The following CSMD3 variants were observed in gnomAD, a reference collection of about 807,000 sequenced individuals.
CSMD3 encodes the protein CUB and Sushi multiple domains 3, also known as CUB and sushi domain-containing protein 3.
A neutral mutation model predicts 435.2 loss-of-function variants in CSMD3; 177 were observed. The ratio of observed to expected loss-of-function variants is 0.41; its 90% CI spans 0.36 to 0.46. The LOEUF (loss-of-function observed/expected upper bound fraction) is 0.46, where lower values mean the gene tolerates loss of function less well. CSMD3 is among the 20% of genes least tolerant of loss of function. The probability of loss-of-function intolerance (pLI) is 0.34; values close to 1 mark genes in which losing one functional copy is unlikely to be tolerated. For missense variants in CSMD3, 4,265 were observed against 4,504.6 expected (o/e 0.95, Z 1.52); for synonymous variants, 1,656 against 1,520.5 (o/e 1.09, Z -2.07).
At chr8:112,733,809 C>T (rs534777063) in intron 13 of CSMD3, among the ~76,000 whole-genome samples, 52 of 152,030 alleles carry the variant, frequency 3.4e-4, no homozygotes, top group African/African-American at 1.2e-3. Context: ...AAAAATAACA[C>T]TTTTCTTTGA....
At chr8:112,453,388 T>C (rs901774274) in intron 32 of CSMD3, among the ~76,000 whole-genome samples, 3 of 152,162 alleles carry the variant, frequency 2.0e-5, no homozygotes, top group African/African-American at 7.2e-5. Context: ...AAAATGTACC[T>C]AGACCTGATA....
intron 11 of CSMD3, among the ~76,000 whole-genome samples, chr8:112,841,172 G>T (rs2080169213): frequency 6.6e-6 from 1 of 151,562 alleles, no homozygotes; most frequent in African/African-American, 2.4e-5. Context: ...TTCATCAGTG[G>T]TTTCTCATTC....
chr8:112,822,797 T>C (rs2079563176), intron 12 of CSMD3, among the ~76,000 whole-genome samples: 1 of 152,152 alleles, frequency 6.6e-6, no homozygotes. Flanking sequence ...TCTTATTATT[T>C]TGAGATATGT....
At chr8:112,457,460 T>C (rs547432409) in intron 32 of CSMD3, among the ~76,000 whole-genome samples, 3 of 152,218 alleles carry the variant, frequency 2.0e-5, no homozygotes, top group South Asian at 4.1e-4. Context: ...TGACCCATAT[T>C]TCCTGCAGAA....
At chr8:112,331,016 T>G (rs1348906167) in intron 45 of CSMD3, among the ~76,000 whole-genome samples, 1 of 152,008 alleles carries the variant, frequency 6.6e-6, no homozygotes, top group East Asian at 1.9e-4. Context: ...GTTTGTTCAT[T>G]ATTAAAATGA....
chr8:112,517,967 T>C (rs1263294411), intron 27 of CSMD3, among the ~76,000 whole-genome samples: 3 of 152,158 alleles, frequency 2.0e-5, no homozygotes, highest in African/African-American at 7.2e-5. Flanking sequence ...TGCACACAGA[T>C]ATTCATAACA....
chr8:113,376,241 C>A (rs1448755652), intron 1 of CSMD3, among the ~76,000 whole-genome samples: 1 of 151,976 alleles, frequency 6.6e-6, no homozygotes, highest in East Asian at 1.9e-4. Context: ...TCCAAATAGC[C>A]TTTGAGGCAT....
chr8:112,255,522 C>T (rs961910890), intron 61 of CSMD3, 95 bp from the exon 62 acceptor site: 2 of 1,069,100 alleles, frequency 1.9e-6, no homozygotes, highest in South Asian at 2.6e-5. Flanking sequence ...GAATATTGTA[C>T]TAAAGAGATA....
intron 3 of CSMD3, among the ~76,000 whole-genome samples, chr8:113,259,400 A>G (rs2093408761): frequency 6.6e-6 from 1 of 152,198 alleles, no homozygotes; most frequent in South Asian, 2.1e-4. Flanking sequence ...GAGTCCATAC[A>G]AGATCACCAG....
At chr8:113,209,366 G>C (rs78333434) in intron 3 of CSMD3, among the ~76,000 whole-genome samples, 92 of 152,150 alleles carry the variant, frequency 6.0e-4, no homozygotes, top group African/African-American at 2.2e-3. Flanking sequence ...AAAGGTATGA[G>C]TCATTCCATT....
chr8:113,057,370 G>A (rs779096719), intron 5 of CSMD3, among the ~76,000 whole-genome samples: 2 of 152,128 alleles, frequency 1.3e-5, no homozygotes, highest in Non-Finnish European at 2.9e-5. Context: ...TTCTGAAAAT[G>A]TAATTGAAAA....
intron 11 of CSMD3, among the ~76,000 whole-genome samples, chr8:112,853,984 A>G (rs2080572251): frequency 6.6e-6 from 1 of 152,132 alleles, no homozygotes; most frequent in Non-Finnish European, 1.5e-5. Context: ...TTGAAATTTG[A>G]GCACCAGGTC....
At chr8:113,208,722 T>C (rs926274465) in intron 3 of CSMD3, among the ~76,000 whole-genome samples, 3 of 152,084 alleles carry the variant, frequency 2.0e-5, no homozygotes, top group Non-Finnish European at 2.9e-5. Context: ...TTAATCTTTT[T>C]TAATGCAGCA....
intron 3 of CSMD3, among the ~76,000 whole-genome samples, chr8:113,262,300 C>A (rs1395242318): frequency 6.6e-6 from 1 of 151,942 alleles, no homozygotes; most frequent in African/African-American, 2.4e-5. Flanking sequence ...TTAGGTAAAG[C>A]AAAGTACATT....
chr8:113,006,680 GT>G (rs2086069385), intron 6 of CSMD3, among the ~76,000 whole-genome samples: 2 of 151,902 alleles, frequency 1.3e-5, no homozygotes, highest in Non-Finnish European at 2.9e-5. Flanking sequence ...TGTGTAACCT[GT>G]TTTATCAAGG....
intron 35 of CSMD3, among the ~76,000 whole-genome samples, chr8:112,400,671 G>C (rs1053219062): frequency 2.0e-5 from 3 of 152,100 alleles, no homozygotes; most frequent in African/African-American, 7.2e-5. Context: ...ATCAGTAATA[G>C]ACTAGGTAAC....
intron 10 of CSMD3, among the ~76,000 whole-genome samples, chr8:112,893,330 T>C (rs573741773): frequency 6.6e-6 from 1 of 151,600 alleles, no homozygotes; most frequent in East Asian, 2.0e-4. Context: ...GATTACCTGG[T>C]AACATTGGAA....
intron 53 of CSMD3, among the ~76,000 whole-genome samples, chr8:112,300,160 AT>A (rs1396174891): frequency 5.2e-4 from 76 of 147,372 alleles, no homozygotes; most frequent in African/African-American, 1.8e-3. Context: ...TAAATATTGT[AT>A]TTAAATTATA....
At chr8:112,274,587 C>T (rs544932835) in intron 59 of CSMD3, among the ~76,000 whole-genome samples, 35 of 152,090 alleles carry the variant, frequency 2.3e-4, no homozygotes, top group Non-Finnish European at 4.6e-4. Context: ...AAAAAACTAC[C>T]CCAAAAGATG....
Sources: allele counts gnomAD v4.1 joint callset (sites outside exome capture counted in the v4.1 genomes callset), GRCh38; gene constraint gnomAD v4.1.1; transcripts MANE v1.5; gene names NCBI Gene and HGNC (gene_info 2026-07-23, HGNC 2026-07-21).